The following ASMTL variants were observed in gnomAD, a reference collection of about 807,000 sequenced individuals.
ASMTL encodes acetylserotonin O-methyltransferase like.
A neutral mutation model predicts 60.3 loss-of-function variants in ASMTL; 57 were observed. The observed-to-expected ratio is 0.95, with a 90% CI of 0.76 to 1.18. ASMTL has a LOEUF of 1.18. ASMTL is among the 50% of genes most tolerant of loss of function. The pLI is 0.00. For missense variants in ASMTL, 981 were observed against 852.6 expected, an observed-to-expected ratio of 1.15 and a Z score of -1.88; for synonymous variants, 419 against 373.0, an observed-to-expected ratio of 1.12 and a Z score of -1.42.
intron 6 of ASMTL, 58 bp downstream of exon 6, chrX:1,432,211 T>C (rs1455799555): frequency 1.4e-6 from 2 of 1,398,902 alleles, no homozygotes; most frequent in Non-Finnish European, 2.0e-6. Context: ...ACCCCACGTG[T>C]GAGGGTGGCC....
chrX:1,404,788 T>G (rs1486358738), intron 12 of ASMTL, among the ~76,000 whole-genome samples: 95 of 120,826 alleles, frequency 7.9e-4, no homozygotes, highest in Middle Eastern at 0.014. Context: ...TGGATGGATA[T>G]ATGGATGTAT....
At chrX:1,437,937 T>G (rs1489807273) in intron 3 of ASMTL, among the ~76,000 whole-genome samples, 2 of 149,470 alleles carry the variant, frequency 1.3e-5, no homozygotes, top group Middle Eastern at 3.5e-3. Flanking sequence ...CCTAGGTAAT[T>G]AAGATGCGGT....
At chrX:1,407,140 G>A (rs2089890127) in intron 12 of ASMTL, among the ~76,000 whole-genome samples, 1 of 148,960 alleles carries the variant, frequency 6.7e-6, no homozygotes, top group African/African-American at 2.5e-5. Context: ...TGAACTGATG[G>A]TAGATGATGG....
intron 1 of ASMTL, among the ~76,000 whole-genome samples, chrX:1,447,320 C>A (rs374214554): frequency 1.3e-5 from 2 of 152,002 alleles, no homozygotes; most frequent in Non-Finnish European, 1.5e-5. Flanking sequence ...GGACACACAC[C>A]GCCATCTTGG....
chrX:1,416,031 A>C (rs1296331497), intron 11 of ASMTL, among the ~76,000 whole-genome samples: 2 of 101,186 alleles, frequency 2.0e-5, no homozygotes, highest in Non-Finnish European at 4.2e-5. Flanking sequence ...ACACGGACAC[A>C]GATACAGTGA....
chrX:1,412,107 A>C (rs5948840), intron 12 of ASMTL, among the ~76,000 whole-genome samples: 4 of 151,590 alleles, frequency 2.6e-5, no homozygotes, highest in Non-Finnish European at 5.9e-5. Flanking sequence ...GTGAGCCACC[A>C]CACCTGGCCA....
At chrX:1,419,378 C>T (rs1461504906) in intron 9 of ASMTL, among the ~76,000 whole-genome samples, 3 of 152,188 alleles carry the variant, frequency 2.0e-5, no homozygotes, top group Admixed American at 6.5e-5. Context: ...GAACTCCAAG[C>T]GTCTGACTTT....
chrX:1,424,113 T>C (rs1228842439), intron 8 of ASMTL, among the ~76,000 whole-genome samples: 7 of 144,784 alleles, frequency 4.8e-5, no homozygotes, highest in African/African-American at 1.6e-4. Flanking sequence ...CATGCATCCA[T>C]CCATCCACAT....
chrX:1,450,208 T>C (rs1162014305), intron 1 of ASMTL, among the ~76,000 whole-genome samples: 3 of 151,886 alleles, frequency 2.0e-5, no homozygotes, highest in Admixed American at 6.6e-5. Context: ...CCTTCATCAC[T>C]AGACCGTCTC....
intron 3 of ASMTL, among the ~76,000 whole-genome samples, chrX:1,437,239 G>A (rs1396245441): frequency 4.7e-4 from 71 of 152,078 alleles, no homozygotes; most frequent in Admixed American, 3.3e-3. Flanking sequence ...GCTTGTAGAC[G>A]CCGTCTTCTC....
intron 2 of ASMTL, among the ~76,000 whole-genome samples, chrX:1,439,654 C>T (rs1384690594): frequency 1.3e-5 from 2 of 151,966 alleles, no homozygotes; most frequent in African/African-American, 4.8e-5. Context: ...CGAGACCAGC[C>T]TGGCCAACAT....
chrX:1,419,517 A>G (rs1279182853), intron 9 of ASMTL, among the ~76,000 whole-genome samples: 1 of 151,998 alleles, frequency 6.6e-6, no homozygotes, highest in African/African-American at 2.4e-5. Flanking sequence ...CCTTCACCAC[A>G]ATGGTGCGGT....
intron 3 of ASMTL, 69 bp downstream of exon 3, chrX:1,439,028 G>C: frequency 6.6e-7 from 1 of 1,507,386 alleles, no homozygotes; most frequent in Non-Finnish European, 9.2e-7. Flanking sequence ...ACATCCACAA[G>C]AGGCAGAATC....
intron 11 of ASMTL, among the ~76,000 whole-genome samples, chrX:1,415,231 A>G (rs1417548753): frequency 1.9e-4 from 1 of 5,340 alleles, no homozygotes; most frequent in Admixed American, 4.2e-3. Flanking sequence ...GTCTCCTGTC[A>G]ATCCGTCCTG....
intron 12 of ASMTL, among the ~76,000 whole-genome samples, chrX:1,407,310 G>A (rs1280475475): frequency 1.3e-5 from 2 of 151,408 alleles, no homozygotes; most frequent in Non-Finnish European, 1.5e-5. Context: ...GTACATGATG[G>A]GCAGGTAGAT....
At position 1,452,849 on chromosome X, in the gene ASMTL, C is replaced by G; in HGVS notation, c.-9G>C. On this transcript the variant is annotated 5_prime_UTR_variant, in exon 1 of 13. Coordinates refer to ENST00000381317, the MANE Select transcript of ASMTL (RefSeq NM_004192.4). ...ACCGGGCACAGCACCATGGCGTCCA[C>G]GCCGGGAGCCGGGCGTCCGCACTTC... 1 of 1,559,050 alleles carries G rather than the reference C, an allele frequency of 6.4e-7. No individual in the cohort carries two copies. Among genetic ancestry groups the G allele is most frequent in the Non-Finnish European group, 8.6e-7 (1 of 1,161,746 alleles).
intron 12 of ASMTL, among the ~76,000 whole-genome samples, chrX:1,406,904 G>C (rs1418336046): frequency 6.7e-6 from 1 of 149,752 alleles, no homozygotes; most frequent in African/African-American, 2.5e-5. Context: ...TAGATGATGG[G>C]TACATAGATA....
intron 12 of ASMTL, among the ~76,000 whole-genome samples, chrX:1,410,751 TGC>T (rs1383287117): frequency 0.039 from 146 of 3,768 alleles, 2 homozygotes; most frequent in African/African-American, 0.069. Context: ...GGCATGGTGA[TGC>T]ATGATGCATG....
chrX:1,427,218 C>T, intron 7 of ASMTL, among the ~76,000 whole-genome samples: 1 of 151,334 alleles, frequency 6.6e-6, no homozygotes, highest in South Asian at 2.1e-4. Context: ...CTGGAGCCCC[C>T]AGGAGCTGGG....
Sources: gnomAD v4.1 joint callset for allele counts (sites outside exome capture counted in the v4.1 genomes callset) on GRCh38, gnomAD v4.1.1 for gene constraint, MANE v1.5 for transcripts, NCBI Gene and HGNC (gene_info 2026-07-23, HGNC 2026-07-21) for gene names.